Variants in EXTL1 observed in about 807,000 individuals in gnomAD.
EXTL1 encodes the protein exostosin-like 1.
In EXTL1, 43 loss-of-function variants were observed where a neutral mutation model predicts 64.6. The ratio of observed to expected loss-of-function variants is 0.67; its 90% CI spans 0.52 to 0.86. The LOEUF is 0.86. Among genes scored for constraint, EXTL1 ranks in the 40% least tolerant of loss-of-function variants. The probability of loss-of-function intolerance (pLI) is 0.00; values close to 1 mark genes in which losing one functional copy is unlikely to be tolerated. For synonymous variants in EXTL1, 352 were observed against 360.5 expected, an observed-to-expected ratio of 0.98 and a Z score of 0.27; for missense variants, 766 against 879.0, an observed-to-expected ratio of 0.87 and a Z score of 1.62.
chr1:26,031,955 CAGAT>C (rs1341077975), intron 6 of EXTL1, among the ~76,000 whole-genome samples: 5 of 152,130 alleles, frequency 3.3e-5, no homozygotes, highest in Non-Finnish European at 7.3e-5. Context: ...CTAGAGAAGC[CAGAT>C]AGATTAATAA....
At chr1:26,030,386 G>A (rs2275951) in intron 3 of EXTL1, 90 bp from the exon 4 acceptor site, 14,152 of 946,238 alleles carry the variant, frequency 0.015, 701 homozygotes, top group East Asian at 0.13. Flanking sequence ...AGGCTGGAGT[G>A]CAGTGGCACG....
Position 26,029,640 on chromosome 1 carries a change from T to C in EXTL1, c.914T>C (p.Leu305Pro), listed in dbSNP as rs2050259359. ...GTGCTTCTCAGCCCCCGCTGGGAGC[T>C]GCCCTTCTCCGAGGTCATCGACTGG... ...IPVLLSPRWE[L>P]PFSEVIDWTK... is the part of the protein sequence containing the mutation. Residue 305 changes from leucine to proline, a missense_variant, in exon 3 of 11, where the codon CTG becomes CCG. By Grantham distance (98) the Leu-to-Pro change is moderately conservative (BLOSUM62 -3). Transcript: ENST00000374280. 1 of 1,611,798 alleles carries C rather than the reference T, an allele frequency of 6.2e-7. No homozygotes were observed. Among genetic ancestry groups the C allele is most frequent in the Non-Finnish European group, 8.5e-7 (1 of 1,179,686 alleles).
At position 26,036,104 on chromosome 1, in the gene EXTL1, C is replaced by A. The variant is rs1413160107; in HGVS notation, c.*757C>A. ...GCACGGCCCGCGGCTCAGCCTCGGCCGTCTGCCCTGCACTACCAAGGCCGA... is the reference window on the plus strand; with the variant it reads ...GCACGGCCCGCGGCTCAGCCTCGGCAGTCTGCCCTGCACTACCAAGGCCGA... On this transcript the variant is annotated 3_prime_UTR_variant, in exon 11 of 11. Transcript: ENST00000374280. The surrounding 1 kb of genome is among the most constrained non-coding windows in gnomAD (Gnocchi z 5.2). The A allele has an allele frequency of 6.5e-6, 1 of 152,676 alleles. No individual in the cohort carries two copies. The highest frequency in any genetic ancestry group is 2.4e-5 in the African/African-American group (1 of 41,462). 9.5% of individuals were successfully genotyped at this position (152,676 alleles called of 1,614,324 possible).
Position 26,031,223 on chromosome 1 carries a change from C to T in EXTL1, c.1193C>T (p.Ser398Phe), listed in dbSNP as rs2050282211. The change falls in exon 5 of 11, where the codon TCC (serine) becomes TTC (phenylalanine). Residue 398 changes from serine (S) to phenylalanine (F), a missense_variant. Physicochemically the swap from Ser to Phe is radical, Grantham distance 155. Transcript: ENST00000374280. ...GCACTCCTGGCCCTGTCTACTTTTT[C>T]CACAAGCCCCCAGGACTTCCCCTTC... Reference protein sequence around the residue: ...PGALLALSTFSTSPQDFPFYY... With the variant: ...PGALLALSTFFTSPQDFPFYY... 5.6e-6 allele frequency: 9 copies of T among 1,614,042 alleles called. No individual in the cohort carries two copies. The highest frequency in any genetic ancestry group is 1.7e-5 in the Admixed American group (1 of 60,020).
chr1:26,023,558 C>T, intron 1 of EXTL1, 133 bp downstream of exon 1: 1 of 945,746 alleles, frequency 1.1e-6, no homozygotes, highest in Non-Finnish European at 1.4e-6. Flanking sequence ...TCAGCTGCAG[C>T]AGCAGGAGGG....
In EXTL1 at chr1:26,023,231, T is replaced by C. The variant is rs967002902; in HGVS notation, c.585T>C (p.Asp195=). ...PTVDSFRPGF[D]VALPFLPEAH... ...TGGACTCCTTCCGGCCCGGCTTTGATGTGGCCCTCCCTTTTCTCCCTGAAG... is the reference window on the plus strand; with the variant it reads ...TGGACTCCTTCCGGCCCGGCTTTGACGTGGCCCTCCCTTTTCTCCCTGAAG... The change falls in exon 1 of 11, where the codon GAT becomes GAC. Residue 195 remains aspartate, a synonymous_variant. Coordinates refer to ENST00000374280, the MANE Select transcript of EXTL1 (RefSeq NM_004455.3). 2 of 1,607,894 alleles carry C rather than the reference T, an allele frequency of 1.2e-6. No individual in the cohort carries two copies. The highest frequency in any genetic ancestry group is 1.7e-6 in the Non-Finnish European group (2 of 1,176,162).
In EXTL1 at chr1:26,031,572, C is replaced by T. The variant is rs1219270617; in HGVS notation, c.1341+6C>T. On this transcript the variant is annotated splice_donor_region_variant and intron_variant, in intron 6 of 10. Coordinates refer to ENST00000374280, the MANE Select transcript of EXTL1 (RefSeq NM_004455.3). ...GCTCCCAGCACTGTGCCCAGGTCTG[C>T]CCCCTTCCCAGCTGGAGTCCTGGGA... The T allele has an allele frequency of 6.5e-7, 1 of 1,541,376 alleles. No homozygotes were observed. Among genetic ancestry groups the T allele is most frequent in the Non-Finnish European group, 8.8e-7 (1 of 1,136,688 alleles).
rs1569681186 is a variant in EXTL1, at chr1:26,035,537, C to T, written c.*190C>T. ...TTACCTTCTCCTGCTCGCCCTCAGC[C>T]GCGGAGCCTCTGCGGAGGCTGAGCC... On this transcript the variant is annotated 3_prime_UTR_variant, in exon 11 of 11. Transcript: ENST00000374280. This position sits in a 1 kb window ranked among gnomAD's most constrained non-coding sequence, Gnocchi z 5.3. The T allele has an allele frequency of 4.2e-6, 2 of 472,512 alleles. No individual in the cohort carries two copies. Among genetic ancestry groups the T allele is most frequent in the Admixed American group, 3.5e-5 (1 of 28,380 alleles). The allele number at this position is 472,512 out of a possible 1,614,324, so 29.3% of individuals were successfully genotyped here. A position where few individuals can be genotyped will look rare whatever the true frequency, so the allele number is the denominator to read the frequency against.
rs1557548346 is a variant in EXTL1 at position 26,022,759 on chromosome 1, C to T, written c.113C>T (p.Pro38Leu). The part of the protein sequence containing the change: ...SLLRLALPPR[P>L]RPGASQGWPR... ...CTCCGCCTGGCATTGCCTCCCAGAC[C>T]TCGGCCCGGGGCTTCCCAAGGCTGG... is the stretch of plus-strand genomic sequence containing the variant. The change falls in exon 1 of 11, where the codon CCT becomes CTT. Residue 38 changes from proline (P) to leucine (L), a missense_variant. By Grantham distance (98) the Pro-to-Leu change is moderately conservative. This residue lies in a region of EXTL1 where 571 missense variants were observed against 647.6 expected (regional missense o/e 0.88). Transcript: ENST00000374280. 7 of 1,614,108 alleles carry T rather than the reference C, an allele frequency of 4.3e-6. 1 individual carries two copies. Among genetic ancestry groups the T allele is most frequent in the Non-Finnish European group, 5.9e-6 (7 of 1,180,016 alleles).
At position 26,032,379 on chromosome 1, in the gene EXTL1, A is replaced by G; in HGVS notation, c.1342-17A>G. ...GCCCCAGATCCCAGACTTCAAGAACAACCCCCTATCCTCTAGATCTTGGTT... is the reference window on the plus strand; with the variant it reads ...GCCCCAGATCCCAGACTTCAAGAACGACCCCCTATCCTCTAGATCTTGGTT... On this transcript the variant is annotated splice_polypyrimidine_tract_variant and intron_variant, in intron 6 of 10. Transcript: ENST00000374280. 1.3e-6 allele frequency: 2 copies of G among 1,544,638 alleles called. No individual in the cohort carries two copies. The highest frequency in any genetic ancestry group is 1.8e-6 in the Non-Finnish European group (2 of 1,140,526).
intron 2 of EXTL1, 88 bp downstream of exon 2, chr1:26,029,374 G>C (rs2050255664): frequency 3.7e-6 from 4 of 1,083,072 alleles, no homozygotes; most frequent in Non-Finnish European, 5.7e-6. Context: ...CAATGAGAAG[G>C]GGCAGTAAGC....
intron 1 of EXTL1, among the ~76,000 whole-genome samples, chr1:26,024,080 C>G (rs1164302490): frequency 6.6e-6 from 1 of 152,226 alleles, no homozygotes; most frequent in East Asian, 1.9e-4. Flanking sequence ...CAGGTCAGAT[C>G]TAAAGAATTT....
chr1:26,026,905 C>T lies in EXTL1; in HGVS notation c.780-2288C>T, dbSNP rs534815105. ...CCTCTGTAACACATTCCCTGTTCCCCGCCAAAGGTGCTCATCCAGTCTCTA... is the reference window on the plus strand; with the variant it reads ...CCTCTGTAACACATTCCCTGTTCCCTGCCAAAGGTGCTCATCCAGTCTCTA... On this transcript the variant is annotated intron_variant, in intron 1 of 10. Transcript: ENST00000374280. 4.9e-4 allele frequency among the ~76,000 whole-genome samples: 74 copies of T among 152,338 alleles called. 2 individuals carry two copies. The South Asian group carries it at 0.014, about 29-fold the overall frequency.
rs980028264 is a variant in EXTL1, at chr1:26,025,517, G to A, written c.779+2092G>A. Reference sequence around the variant, plus strand: ...CCCTCACTTTTCTAATCAGGCGCTTGGAAGCAGTGGAGTTGGGATTCAACC... The same window carrying A: ...CCCTCACTTTTCTAATCAGGCGCTTAGAAGCAGTGGAGTTGGGATTCAACC... On this transcript the variant is annotated intron_variant, in intron 1 of 10. Coordinates refer to ENST00000374280, the MANE Select transcript of EXTL1 (RefSeq NM_004455.3). The surrounding 1 kb of genome is among the most constrained non-coding windows in gnomAD (Gnocchi z 5.3). Among the ~76,000 whole-genome samples, 1 of 152,178 alleles carries A rather than the reference G, an allele frequency of 6.6e-6. No homozygotes were observed. Among genetic ancestry groups the A allele is most frequent in the Non-Finnish European group, 1.5e-5 (1 of 68,036 alleles).
In EXTL1 at chr1:26,026,296, A is replaced by ATT. The variant is rs1349609749; in HGVS notation, c.779+2871_779+2872insTT. Among the ~76,000 whole-genome samples the ATT allele has an allele frequency of 8.5e-3, 257 of 30,318 alleles. 1 individual carries two copies. The highest frequency in any genetic ancestry group is 0.059 in the South Asian group (29 of 494). 19.9% of individuals were successfully genotyped at this position (30,318 alleles called of 152,430 possible). On this transcript the variant is annotated intron_variant, in intron 1 of 10. Transcript: ENST00000374280. ...AATGAACTTTCAGGTAGAAGAAAAA[A>ATT]ATTTTTTTTTTTTTTGAGACAAAGT...
At chr1:26,029,426 C>G in intron 2 of EXTL1, 140 bp downstream of exon 2, 1 of 754,358 alleles carries the variant, frequency 1.3e-6, no homozygotes, top group Non-Finnish European at 2.3e-6. Flanking sequence ...GCCTGTGTCC[C>G]CATTCACTGC....
At position 26,035,227 on chromosome 1, in the gene EXTL1, G is replaced by A. The variant is rs931943573; in HGVS notation, c.1911G>A (p.Gln637=). Residue 637 remains glutamine (Q), a synonymous_variant, in exon 11 of 11, where the codon CAG becomes CAA. Coordinates refer to ENST00000374280, the MANE Select transcript of EXTL1 (RefSeq NM_004455.3). This position sits in a 1 kb window ranked among gnomAD's most constrained non-coding sequence, Gnocchi z 5.3. ...CCCCAGCCCCCGACTGCATCAACCAGATAGCGGCAGCGTTCGGCCACATGC... is the reference window on the plus strand; with the variant it reads ...CCCCAGCCCCCGACTGCATCAACCAAATAGCGGCAGCGTTCGGCCACATGC... ...PPAPAPDCIN[Q]IAAAFGHMPL... 3 of 1,613,602 alleles carry A rather than the reference G, an allele frequency of 1.9e-6. No individual in the cohort carries two copies. The highest frequency in any genetic ancestry group is 2.5e-6 in the Non-Finnish European group (3 of 1,179,900).
At chr1:26,028,533 G>C (rs1356718961) in intron 1 of EXTL1, among the ~76,000 whole-genome samples, 1 of 152,188 alleles carries the variant, frequency 6.6e-6, no homozygotes, top group African/African-American at 2.4e-5. Context: ...CAATTGCCAG[G>C]CTGGCTCTGA....
Position 26,022,540 on chromosome 1 carries a change from A to G in EXTL1, c.-107A>G. ...CTTCCCATCTGTACAATGACAGCAC[A>G]GGACTAGCAGGTCGGTCCCAGCTCT... is the stretch of plus-strand genomic sequence containing the variant. On this transcript the variant is annotated 5_prime_UTR_variant, in exon 1 of 11. Transcript: ENST00000374280. 1.2e-6 allele frequency: 1 copy of G among 866,884 alleles called. No individual in the cohort carries two copies. Among genetic ancestry groups the G allele is most frequent in the Non-Finnish European group, 1.8e-6 (1 of 546,240 alleles). 53.7% of individuals were successfully genotyped at this position (866,884 alleles called of 1,614,324 possible). A position where few individuals can be genotyped will look rare whatever the true frequency, so the allele number is the denominator to read the frequency against.
Sources: gnomAD v4.1 joint callset for allele counts (sites outside exome capture counted in the v4.1 genomes callset) on GRCh38, gnomAD v4.1.1 for gene constraint, gnomAD v4.1.1 regional missense constraint, Gnocchi (gnomAD v3.1) non-coding constraint, MANE v1.5 for transcripts, NCBI Gene and HGNC (gene_info 2026-07-23, HGNC 2026-07-21) for gene names.